Variants in MEI4 observed in about 807,000 individuals in gnomAD.
The protein encoded by MEI4 is meiotic double-stranded break formation protein 4.
Under a neutral mutation model 31.4 loss-of-function variants are expected in MEI4, and 27 were observed. That is an observed-to-expected ratio of 0.86 (90% CI 0.63 to 1.19). The LOEUF (loss-of-function observed/expected upper bound fraction) is 1.19. Among genes scored for constraint, MEI4 ranks in the 50% most tolerant of loss-of-function variants. The pLI, the probability that MEI4 is intolerant of heterozygous loss-of-function variation, is 0.00. For synonymous variants in MEI4, 122 were observed against 145.4 expected (o/e 0.84, Z 1.16); for missense variants, 329 against 398.9 (o/e 0.82, Z 1.49).
intron 4 of MEI4, among the ~76,000 whole-genome samples, chr6:77,907,345 T>A (rs1426970269): frequency 6.6e-6 from 1 of 152,102 alleles, no homozygotes; most frequent in African/African-American, 2.4e-5. Flanking sequence ...TGTCCATGTG[T>A]TCTCATTGTT....
intron 2 of MEI4, among the ~76,000 whole-genome samples, chr6:77,739,198 G>GT (rs147421251): frequency 0.055 from 8,343 of 151,572 alleles, 609 homozygotes; most frequent in African/African-American, 0.16. Context: ...TTCTTCTAGG[G>GT]TTTTTTTTGG....
chr6:77,768,699 CAAAA>C (rs11332685), intron 3 of MEI4, among the ~76,000 whole-genome samples: 1 of 116,598 alleles, frequency 8.6e-6, no homozygotes, highest in Admixed American at 8.9e-5. Flanking sequence ...GACTCCATCT[CAAAA>C]AAAAAAAAAA....
chr6:77,684,761 C>T (rs996209906), intron 1 of MEI4, among the ~76,000 whole-genome samples: 3 of 152,110 alleles, frequency 2.0e-5, no homozygotes, highest in Non-Finnish European at 2.9e-5. Flanking sequence ...TCTGTTGATA[C>T]ACAATTAGGT....
At chr6:77,891,662 C>T (rs1465747776) in intron 4 of MEI4, among the ~76,000 whole-genome samples, 2 of 151,648 alleles carry the variant, frequency 1.3e-5, no homozygotes, top group Non-Finnish European at 2.9e-5. Flanking sequence ...TTATTGTGTT[C>T]CTTTGAAATT....
At chr6:77,893,063 C>T (rs988459184) in intron 4 of MEI4, among the ~76,000 whole-genome samples, 1 of 152,110 alleles carries the variant, frequency 6.6e-6, no homozygotes, top group African/African-American at 2.4e-5. Flanking sequence ...CAAGCCAATC[C>T]TGGCCAGGCT....
intron 2 of MEI4, among the ~76,000 whole-genome samples, chr6:77,759,509 T>C (rs1376724647): frequency 6.6e-6 from 1 of 152,198 alleles, no homozygotes; most frequent in Non-Finnish European, 1.5e-5. Context: ...TGACTAAACC[T>C]GAACTTTTTA....
At chr6:77,881,008 T>C (rs936490952) in intron 4 of MEI4, among the ~76,000 whole-genome samples, 3 of 152,128 alleles carry the variant, frequency 2.0e-5, no homozygotes, top group Admixed American at 6.5e-5. Context: ...CATATCTTTA[T>C]TGATGTCAGT....
At chr6:77,915,733 A>G (rs1411359579) in intron 4 of MEI4, among the ~76,000 whole-genome samples, 1 of 152,032 alleles carries the variant, frequency 6.6e-6, no homozygotes, top group Non-Finnish European at 1.5e-5. Flanking sequence ...AATATACAGT[A>G]GGGAAGATCT....
chr6:77,736,930 G>A (rs1325403090), intron 2 of MEI4, among the ~76,000 whole-genome samples: 1 of 151,224 alleles, frequency 6.6e-6, no homozygotes, highest in African/African-American at 2.5e-5. Context: ...TGGGTACTAG[G>A]CTATTTCAAA....
At chr6:77,883,394 TATG>T (rs900131856) in intron 4 of MEI4, among the ~76,000 whole-genome samples, 1 of 151,966 alleles carries the variant, frequency 6.6e-6, no homozygotes, top group Non-Finnish European at 1.5e-5. Context: ...CACAAGAACT[TATG>T]TTTTCTAACT....
intron 4 of MEI4, among the ~76,000 whole-genome samples, chr6:77,873,559 G>A (rs569352855): frequency 6.6e-6 from 1 of 152,276 alleles, no homozygotes; most frequent in Non-Finnish European, 1.5e-5. Flanking sequence ...TAGGCTGCCT[G>A]TTCACTCTGA....
At chr6:77,790,169 C>T (rs746711106) in intron 3 of MEI4, among the ~76,000 whole-genome samples, 7 of 148,580 alleles carry the variant, frequency 4.7e-5, no homozygotes, top group African/African-American at 1.5e-4. Context: ...AAGCAAACAC[C>T]GCATGTTCTC....
intron 3 of MEI4, among the ~76,000 whole-genome samples, chr6:77,807,818 T>C (rs1275997605): frequency 6.6e-6 from 1 of 152,170 alleles, no homozygotes; most frequent in African/African-American, 2.4e-5. Flanking sequence ...TCCCAGAAGT[T>C]ATTCCAGTGA....
intron 1 of MEI4, among the ~76,000 whole-genome samples, chr6:77,658,333 A>G (rs1175129254): frequency 4.6e-5 from 7 of 152,154 alleles, no homozygotes; most frequent in Admixed American, 1.3e-4. Context: ...ACAAATCACA[A>G]TAGTGGAATG....
chr6:77,923,642 G>T lies in MEI4; in HGVS notation c.*296G>T, dbSNP rs1010492210. The stretch of plus-strand genomic sequence containing the variant: ...TATTCTGTAAAATGGACCATTAATT[G>T]TCTGTCCCTTAAAAGATATTGAAGT... On this transcript the variant is annotated 3_prime_UTR_variant, in exon 5 of 5. Coordinates refer to ENST00000684080, the MANE Select transcript of MEI4 (RefSeq NM_001322247.2). The T allele has an allele frequency of 1.1e-5, 2 of 189,184 alleles. No individual in the cohort carries two copies. The highest frequency in any genetic ancestry group is 2.1e-5 in the Non-Finnish European group (2 of 93,230). The allele number at this position is 189,184 out of a possible 1,614,324, so 11.7% of individuals were successfully genotyped here.
intron 3 of MEI4, among the ~76,000 whole-genome samples, chr6:77,788,809 G>C (rs561282637): frequency 6.6e-6 from 1 of 152,276 alleles, no homozygotes; most frequent in South Asian, 2.1e-4. Flanking sequence ...AATCAATATC[G>C]TGAAAATGGC....
chr6:77,690,273 T>A (rs1032325614), intron 1 of MEI4, among the ~76,000 whole-genome samples: 10 of 151,962 alleles, frequency 6.6e-5, no homozygotes, highest in African/African-American at 2.4e-4. Flanking sequence ...TTTCAAAATA[T>A]AAAAGCCTCA....
chr6:77,783,896 C>A (rs1208804553), intron 3 of MEI4, among the ~76,000 whole-genome samples: 2 of 151,938 alleles, frequency 1.3e-5, no homozygotes, highest in Non-Finnish European at 2.9e-5. Flanking sequence ...TTATATTTTG[C>A]CAGAAGATAC....
chr6:77,696,004 G>A (rs1582031948), intron 2 of MEI4, among the ~76,000 whole-genome samples: 1 of 151,994 alleles, frequency 6.6e-6, no homozygotes, highest in African/African-American at 2.4e-5. Flanking sequence ...GGATTCCTAG[G>A]TATTTTATTC....
Sources: allele counts gnomAD v4.1 joint callset (sites outside exome capture counted in the v4.1 genomes callset), GRCh38; gene constraint gnomAD v4.1.1; transcripts MANE v1.5; gene names NCBI Gene and HGNC (gene_info 2026-07-23, HGNC 2026-07-21).